Variants in BTD observed in about 807,000 individuals in gnomAD.
BTD encodes the protein biotinidase.
Under a neutral mutation model 17.7 loss-of-function variants are expected in BTD, and 13 were observed. The ratio of observed to expected loss-of-function variants is 0.74; its 90% CI spans 0.48 to 1.17. BTD has a LOEUF of 1.17. BTD is among the 50% of genes most tolerant of loss of function. The pLI, the probability that BTD is intolerant of heterozygous loss-of-function variation, is 0.00. For synonymous variants in BTD, 240 were observed against 245.2 expected (o/e 0.98, Z 0.20); for missense variants, 674 against 650.4 (o/e 1.04, Z -0.39).
intron 1 of BTD, among the ~76,000 whole-genome samples, chr3:15,629,558 C>T (rs1363716183): frequency 6.6e-6 from 1 of 152,190 alleles, no homozygotes; most frequent in African/African-American, 2.4e-5. Flanking sequence ...GAATCTCACT[C>T]TGTCACCCAG....
chr3:15,676,915 A>G, intron 3 of BTD: 3 of 1,416,930 alleles, frequency 2.1e-6, no homozygotes, highest in Non-Finnish European at 3.0e-6. Context: ...AAAAAAATCC[A>G]TTTATCATTT....
intron 1 of BTD, chr3:15,631,532 G>A: frequency 2.1e-6 from 3 of 1,461,330 alleles, no homozygotes; most frequent in Non-Finnish European, 2.8e-6. Context: ...AATATCTAGT[G>A]ATTGACATAT....
At chr3:15,620,268 A>G (rs984858819) in intron 1 of BTD, among the ~76,000 whole-genome samples, 32 of 152,132 alleles carry the variant, frequency 2.1e-4, no homozygotes, top group Admixed American at 1.3e-3. Flanking sequence ...ACTTATCTCA[A>G]TCCTTACCTC....
At chr3:15,613,319 T>G (rs2064690848) in intron 1 of BTD, among the ~76,000 whole-genome samples, 1 of 152,238 alleles carries the variant, frequency 6.6e-6, no homozygotes, top group Non-Finnish European at 1.5e-5. Context: ...GTGGACTCCT[T>G]TTCAATTCTG....
At chr3:15,603,162 T>A (rs1459418220) in intron 1 of BTD, among the ~76,000 whole-genome samples, 1 of 152,214 alleles carries the variant, frequency 6.6e-6, no homozygotes, top group Non-Finnish European at 1.5e-5. Flanking sequence ...TAATTCAAGA[T>A]GAGATTTGGA....
chr3:15,720,878 A>G, intron 4 of BTD: 1 of 1,579,714 alleles, frequency 6.3e-7, no homozygotes, highest in East Asian at 2.2e-5. Flanking sequence ...TAACAGTGAC[A>G]TATGAAATAC....
At chr3:15,657,795 C>T (rs2065885450), downstream of BTD, among the ~76,000 whole-genome samples, 1 of 149,130 alleles carries the variant, frequency 6.7e-6, no homozygotes, top group Non-Finnish European at 1.5e-5. Flanking sequence ...ATGAATCTTG[C>T]AAACAATATA....
rs551625562 is a variant in BTD at position 15,603,643 on chromosome 3, C to T, written c.-17+1749C>T. On this transcript the variant is annotated intron_variant, in intron 1 of 3. Coordinates refer to ENST00000643237, the MANE Select transcript of BTD (RefSeq NM_001370658.1). ...CTGCACTCCAGCCTGGGGGACAGAT[C>T]GAGACTCCGTCTCAAAAAAAATAAT... is the stretch of plus-strand genomic sequence containing the variant. 6.6e-5 allele frequency among the ~76,000 whole-genome samples: 10 copies of T among 151,772 alleles called. No homozygotes were observed. The South Asian group carries it at 1.2e-3, about 19-fold the overall frequency.
chr3:15,692,540 T>A (rs1281023949), intron 3 of BTD, among the ~76,000 whole-genome samples: 2 of 152,176 alleles, frequency 1.3e-5, no homozygotes, highest in Non-Finnish European at 2.9e-5. Context: ...TTTCCCCCCA[T>A]GATATCCTTG....
At chr3:15,685,069 G>A (rs2067954576) in intron 3 of BTD, 2 of 668,836 alleles carry the variant, frequency 3.0e-6, no homozygotes, top group Admixed American at 2.7e-5. Flanking sequence ...GGACAGGAGT[G>A]AGCCTACGTA....
rs1360150447 is a variant in BTD, at chr3:15,644,305, T to C, written c.400-11T>C. ...AAAAACCTCATTTATTTACACCTTT[T>C]TTTCCTCTAGGTGCTCCAGCGCCTG... On this transcript the variant is annotated splice_polypyrimidine_tract_variant and intron_variant, in intron 3 of 3. Transcript: ENST00000643237. 1 of 1,611,920 alleles carries C rather than the reference T, an allele frequency of 6.2e-7. No individual in the cohort carries two copies. The highest frequency in any genetic ancestry group is 2.2e-5 in the East Asian group (1 of 44,846).
Position 15,618,172 on chromosome 3 carries a change from C to A in BTD, c.-17+16278C>A, listed in dbSNP as rs141385025. Among the ~76,000 whole-genome samples, 705 of 152,252 alleles carry A rather than the reference C, an allele frequency of 4.6e-3. 5 individuals carry two copies. The highest frequency in any genetic ancestry group is 0.016 in the African/African-American group (668 of 41,556). The stretch of plus-strand genomic sequence containing the variant: ...GAGAATGGGGTCTCTCTATTTTGCC[C>A]AGGCTGGTGGTCTCAAACTCCTGGC... On this transcript the variant is annotated intron_variant, in intron 1 of 3. Coordinates refer to ENST00000643237, the MANE Select transcript of BTD (RefSeq NM_001370658.1).
At chr3:15,605,024 C>T (rs1455563328) in intron 1 of BTD, among the ~76,000 whole-genome samples, 1 of 152,262 alleles carries the variant, frequency 6.6e-6, no homozygotes, top group Non-Finnish European at 1.5e-5. Context: ...GCCCTCCAAA[C>T]TGTTCCAACT....
chr3:15,677,043 C>G, intron 3 of BTD: 1 of 1,613,078 alleles, frequency 6.2e-7, no homozygotes, highest in Non-Finnish European at 8.5e-7. Flanking sequence ...TAACAAGGCA[C>G]TAGTTTCATG....
chr3:15,630,119 T>G (rs1306642842), intron 1 of BTD: 1 of 983,052 alleles, frequency 1.0e-6, no homozygotes, highest in East Asian at 1.1e-4. Flanking sequence ...CGTGGGAGTG[T>G]GGTGAGTAAA....
chr3:15,640,189 A>G (rs1163428222), intron 2 of BTD, among the ~76,000 whole-genome samples: 1 of 152,240 alleles, frequency 6.6e-6, no homozygotes, highest in African/African-American at 2.4e-5. Context: ...CAAAGAAATA[A>G]TCAAAAGATG....
At chr3:15,655,791 A>G (rs2065865011), downstream of BTD, among the ~76,000 whole-genome samples, 1 of 152,136 alleles carries the variant, frequency 6.6e-6, no homozygotes, top group Admixed American at 6.5e-5. Flanking sequence ...GACAGAGAAT[A>G]CTTTGTTGTT....
intron 1 of BTD, among the ~76,000 whole-genome samples, chr3:15,626,487 G>A (rs2065067958): frequency 6.6e-6 from 1 of 152,164 alleles, no homozygotes; most frequent in Admixed American, 6.5e-5. Flanking sequence ...CTCATGCCAG[G>A]TAAAGCTGTA....
In BTD at chr3:15,645,701, G is replaced by T. The variant is rs1233840906; in HGVS notation, c.*213G>T. 1.8e-6 allele frequency: 1 copy of T among 564,516 alleles called. No homozygotes were observed. Among genetic ancestry groups the T allele is most frequent in the African/African-American group, 1.9e-5 (1 of 53,280 alleles). The allele number at this position is 564,516 out of a possible 1,614,324, so 35.0% of individuals were successfully genotyped here. On this transcript the variant is annotated 3_prime_UTR_variant, in exon 4 of 4. Transcript: ENST00000643237. Reference sequence around the variant, plus strand: ...ACCTCAATCATCGAGACATTAGGGGGTATTTTCTGTTCACATTTATCTTTT... The same window carrying T: ...ACCTCAATCATCGAGACATTAGGGGTTATTTTCTGTTCACATTTATCTTTT...
Sources: allele counts gnomAD v4.1 joint callset (sites outside exome capture counted in the v4.1 genomes callset), GRCh38; gene constraint gnomAD v4.1.1; transcripts MANE v1.5; gene names NCBI Gene and HGNC (gene_info 2026-07-23, HGNC 2026-07-21).